Variants in TENM2 observed in about 807,000 individuals in gnomAD.
TENM2 encodes teneurin-2.
TENM2 carries 52 observed loss-of-function variants against 245.2 expected under a neutral mutation model. The observed-to-expected ratio is 0.21, with a 90% confidence interval of 0.17 to 0.27. The LOEUF (loss-of-function observed/expected upper bound fraction) is 0.27, where lower values mean the gene tolerates loss of function less well. Ranked by LOEUF, TENM2 falls within the 10% of genes least tolerant of loss-of-function variation. The probability of loss-of-function intolerance (pLI) is 1.00; values close to 1 mark genes in which losing one functional copy is unlikely to be tolerated. For synonymous variants in TENM2, 1,363 were observed against 1,438.9 expected, an observed-to-expected ratio of 0.95 and a Z score of 1.19; for missense variants, 3,046 against 3,666.8, an observed-to-expected ratio of 0.83 and a Z score of 4.37.
chr5:167,798,719 C>T (rs1407960365), intron 2 of TENM2, among the ~76,000 whole-genome samples: 1 of 152,184 alleles, frequency 6.6e-6, no homozygotes, highest in Non-Finnish European at 1.5e-5. Flanking sequence ...AAAAGCCAAA[C>T]AGAACAAATT....
chr5:168,156,257 A>AAAAAAAAC (rs1757164285), intron 12 of TENM2, among the ~76,000 whole-genome samples: 1 of 145,518 alleles, frequency 6.9e-6, no homozygotes, highest in Non-Finnish European at 1.5e-5. Context: ...TAAAAAAAAA[A>AAAAAAAAC]AAAAAAAAAC....
chr5:167,091,151 G>T, the TENM2 span, among the ~76,000 whole-genome samples: 2 of 152,018 alleles, frequency 1.3e-5, no homozygotes, highest in East Asian at 3.9e-4. Flanking sequence ...ATACAGCTCT[G>T]ATAACCAGAT....
At chr5:167,064,569 C>T in the TENM2 span, among the ~76,000 whole-genome samples, 1 of 152,046 alleles carries the variant, frequency 6.6e-6, no homozygotes, top group Non-Finnish European at 1.5e-5. Flanking sequence ...ATAATAGAGC[C>T]CTTTACAAAA....
chr5:167,499,183 C>T lies in TENM2; in HGVS notation c.502+123710C>T, dbSNP rs549215761. ...TACTGCTGTGATATGTCCTTGTATT[C>T]TTAGCATTCTCTTAGAAAGTATCCT... On this transcript the variant is annotated intron_variant, in intron 2 of 28. Coordinates refer to ENST00000518659, the Ensembl canonical transcript of TENM2. Among the ~76,000 whole-genome samples, 3 of 152,184 alleles carry T rather than the reference C, an allele frequency of 2.0e-5. No homozygotes were observed. The South Asian group carries it at 6.2e-4, about 32-fold the overall frequency.
the TENM2 span, among the ~76,000 whole-genome samples, chr5:167,213,323 G>A: frequency 6.6e-6 from 1 of 152,326 alleles, no homozygotes; most frequent in African/African-American, 2.4e-5. Flanking sequence ...CAGAGTTGGA[G>A]GCTGGGAAGT....
chr5:167,715,505 T>A (rs1033462287), intron 2 of TENM2, among the ~76,000 whole-genome samples: 2 of 152,200 alleles, frequency 1.3e-5, no homozygotes, highest in Admixed American at 1.3e-4. Flanking sequence ...TTTTCAATTG[T>A]TTTAACCCCT....
At chr5:167,825,587 A>G (rs894460412) in intron 2 of TENM2, among the ~76,000 whole-genome samples, 10 of 152,148 alleles carry the variant, frequency 6.6e-5, no homozygotes, top group African/African-American at 2.2e-4. Context: ...GCACACACAC[A>G]TGCATAGGCA....
rs186210507 is a variant in TENM2 at position 167,657,783 on chromosome 5, C to T, written c.503-218203C>T. On this transcript the variant is annotated intron_variant, in intron 2 of 28. Coordinates refer to ENST00000518659, the Ensembl canonical transcript of TENM2. ...CATAGATAATCTTAAATAGAGGTTG[C>T]TGTGTTTCAACAAATCTTAGAAAAA... Among the ~76,000 whole-genome samples, 35 of 152,298 alleles carry T rather than the reference C, an allele frequency of 2.3e-4. No individual in the cohort carries two copies. In the East Asian group the frequency reaches 4.6e-3, roughly 20 times the overall value.
At chr5:167,445,330 T>TAGGGAGAGAGAGAGAGAGAGAGAG (rs1275688569) in intron 2 of TENM2, among the ~76,000 whole-genome samples, 4 of 49,302 alleles carry the variant, frequency 8.1e-5, no homozygotes, top group East Asian at 5.0e-4. Context: ...TATATATATA[T>TAGGGAGAGAGAGAGAGAGAGAGAG]ATATATAGAG....
At chr5:167,026,185 C>T in the TENM2 span, among the ~76,000 whole-genome samples, 10 of 152,306 alleles carry the variant, frequency 6.6e-5, no homozygotes, top group Middle Eastern at 3.4e-3. Context: ...CCAAATCTGG[C>T]GCATAATCCT....
At chr5:167,758,900 T>C (rs1762480775) in intron 2 of TENM2, among the ~76,000 whole-genome samples, 1 of 152,042 alleles carries the variant, frequency 6.6e-6, no homozygotes, top group South Asian at 2.1e-4. Flanking sequence ...GCTAAAACTA[T>C]AGCCCAGCTA....
At chr5:167,638,564 G>C (rs1779363261) in intron 2 of TENM2, among the ~76,000 whole-genome samples, 1 of 152,358 alleles carries the variant, frequency 6.6e-6, no homozygotes, top group African/African-American at 2.4e-5. Flanking sequence ...TTAGAAGACA[G>C]AGTGTGAAGG....
intron 2 of TENM2, among the ~76,000 whole-genome samples, chr5:167,825,098 A>G (rs1415015097): frequency 1.3e-5 from 2 of 152,202 alleles, no homozygotes; most frequent in Non-Finnish European, 2.9e-5. Flanking sequence ...ATATGTTCAT[A>G]TTCCTATCTG....
chr5:168,181,937 G>A (rs1032302461), intron 13 of TENM2, among the ~76,000 whole-genome samples: 2 of 151,508 alleles, frequency 1.3e-5, no homozygotes, highest in Admixed American at 6.6e-5. Context: ...TCAGCCGCCC[G>A]AACTGCTGGG....
intron 3 of TENM2, among the ~76,000 whole-genome samples, chr5:167,894,988 A>AG (rs1775089093): frequency 1.5e-4 from 16 of 106,408 alleles, no homozygotes; most frequent in Non-Finnish European, 1.8e-4. Context: ...GAAGGAAGGA[A>AG]GGAGGGAAGG....
chr5:168,028,817 AAT>A (rs1341165350), intron 5 of TENM2, among the ~76,000 whole-genome samples: 1,774 of 147,668 alleles, frequency 0.012, 32 homozygotes, highest in African/African-American at 0.041. Flanking sequence ...AAAAAAAAAA[AAT>A]GGGCTTGTGA....
chr5:167,101,371 A>G, the TENM2 span, among the ~76,000 whole-genome samples: 1 of 152,172 alleles, frequency 6.6e-6, no homozygotes, highest in Non-Finnish European at 1.5e-5. Context: ...TTCTACCACT[A>G]TTTACATATT....
At chr5:167,250,797 A>G in the TENM2 span, among the ~76,000 whole-genome samples, 2 of 152,186 alleles carry the variant, frequency 1.3e-5, no homozygotes, top group Admixed American at 6.5e-5. Context: ...CAAAAATTTT[A>G]GTATCTGAGA....
chr5:167,565,512 GGAACAACATTTAGCTTCCATAAT>G (rs1238353289), intron 2 of TENM2, among the ~76,000 whole-genome samples: 2 of 152,160 alleles, frequency 1.3e-5, no homozygotes, highest in Non-Finnish European at 2.9e-5. Context: ...AGCAGCTTCC[GGAACAACATTTAGCTTCCATAAT>G]GCAATTCTTT....
Sources: allele counts gnomAD v4.1 joint callset (sites outside exome capture counted in the v4.1 genomes callset), GRCh38; gene constraint gnomAD v4.1.1; transcripts MANE v1.5; gene names NCBI Gene and HGNC (gene_info 2026-07-23, HGNC 2026-07-21).